NEXMIF: variants seen among roughly 807,000 people sequenced by gnomAD.
NEXMIF encodes the protein XLMR protein related to neurite extension.
A neutral mutation model predicts 62.1 loss-of-function variants in NEXMIF; 8 were observed. The ratio of observed to expected loss-of-function variants is 0.13; its 90% CI spans 0.08 to 0.23. The LOEUF (loss-of-function observed/expected upper bound fraction) is 0.23, where lower values mean the gene tolerates loss of function less well. Among genes scored for constraint, NEXMIF ranks in the 10% least tolerant of loss-of-function variants. NEXMIF has a pLI of 1.00. For missense variants in NEXMIF, 976 were observed against 1,113.3 expected (o/e 0.88, Z 1.75); for synonymous variants, 404 against 416.6 (o/e 0.97, Z 0.37).
intron 1 of NEXMIF, among the ~76,000 whole-genome samples, chrX:74,835,894 C>A (rs1435292929): frequency 8.9e-6 from 1 of 112,182 alleles, no homozygotes; most frequent in African/African-American, 3.2e-5. Context: ...GAGATGTTGT[C>A]TGGGTGCCAG....
At chrX:74,790,360 G>A (rs1317209743) in intron 1 of NEXMIF, among the ~76,000 whole-genome samples, 2 of 113,533 alleles carry the variant, frequency 1.8e-5, no homozygotes, top group South Asian at 7.0e-4. Flanking sequence ...ACAGTACCAT[G>A]ATGTTTTGGT....
intron 1 of NEXMIF, among the ~76,000 whole-genome samples, chrX:74,909,773 T>A (rs1243310074): frequency 8.9e-6 from 1 of 111,791 alleles, no homozygotes; most frequent in African/African-American, 3.3e-5. Flanking sequence ...CTCCATGCTG[T>A]GTGCAGCCTA....
In NEXMIF at chrX:74,887,358, C is replaced by G. The variant is rs2080699210; in HGVS notation, c.-48+37525G>C. Among the ~76,000 whole-genome samples the G allele has an allele frequency of 2.7e-5, 3 of 111,184 alleles. No individual in the cohort carries two copies. In the South Asian group the frequency reaches 1.2e-3, roughly 43 times the overall value. ...CAAAAGAAACCACCATCAGAGTGAA[C>G]AGGCAACCTACAGAATGGGAGAAAA... On this transcript the variant is annotated intron_variant, in intron 1 of 3. Transcript: ENST00000055682.
chrX:74,879,544 T>A (rs1602262852), intron 1 of NEXMIF, among the ~76,000 whole-genome samples: 1 of 112,227 alleles, frequency 8.9e-6, no homozygotes, highest in Non-Finnish European at 1.9e-5. Flanking sequence ...AGATCAAGGC[T>A]GTGGTATTTA....
chrX:74,889,952 G>GTCTCTCTCTC (rs72364877), intron 1 of NEXMIF, among the ~76,000 whole-genome samples: 1 of 91,143 alleles, frequency 1.1e-5, no homozygotes, highest in Admixed American at 1.1e-4. Context: ...AACCTAATCT[G>GTCTCTCTCTC]TCTCTCTCTC....
At chrX:74,918,654 C>T (rs1408865674) in intron 1 of NEXMIF, among the ~76,000 whole-genome samples, 1 of 112,350 alleles carries the variant, frequency 8.9e-6, no homozygotes, top group Non-Finnish European at 1.9e-5. Flanking sequence ...AATCTCCAAA[C>T]ACTAGATATG....
rs2080092348 is a variant in NEXMIF at position 74,738,800 on chromosome X, T to TTAAA, written c.*604_*605insTTTA. On this transcript the variant is annotated 3_prime_UTR_variant, in exon 4 of 4. Transcript: ENST00000055682. Reference sequence around the variant, plus strand: ...CTGTTCATGTTTCCACACAGGACAGTAGAGTCTAAAACTTTAAAAGAACGT... The same window carrying TTAAA: ...CTGTTCATGTTTCCACACAGGACAGTTAAAAGAGTCTAAAACTTTAAAAGAACGT... 1.8e-5 allele frequency: 2 copies of TTAAA among 108,576 alleles called. No homozygotes were observed. The highest frequency in any genetic ancestry group is 3.8e-5 in the Non-Finnish European group (2 of 52,134). The allele number at this position is 108,576 out of a possible 1,213,427, so 8.9% of individuals were successfully genotyped here.
chrX:74,883,610 GAAAC>G (rs1461823616), intron 1 of NEXMIF, among the ~76,000 whole-genome samples: 3 of 111,741 alleles, frequency 2.7e-5, no homozygotes, highest in Middle Eastern at 4.2e-3. Flanking sequence ...AGAATAAAAA[GAAAC>G]AAACAAAGCC....
chrX:74,763,301 C>G lies in NEXMIF; in HGVS notation c.-47-17604G>C, dbSNP rs747784136. Among the ~76,000 whole-genome samples the G allele has an allele frequency of 3.2e-3, 352 of 111,190 alleles. 2 individuals carry two copies. The highest frequency in any genetic ancestry group is 0.011 in the African/African-American group (335 of 30,593). On this transcript the variant is annotated intron_variant, in intron 1 of 3. Coordinates refer to ENST00000055682, the MANE Select transcript of NEXMIF (RefSeq NM_001008537.3). The stretch of plus-strand genomic sequence containing the variant: ...TAGATGTGTGGTATTATTTCTGAGG[C>G]CTCTGTTCTGTTCCATTGGTCTATA...
At chrX:74,819,900 C>T (rs763862076) in intron 1 of NEXMIF, among the ~76,000 whole-genome samples, 20 of 111,631 alleles carry the variant, frequency 1.8e-4, no homozygotes, top group East Asian at 1.1e-3. Flanking sequence ...ATGTTTATTG[C>T]GGCACTGTTC....
At chrX:74,750,982 C>A (rs1256272885) in intron 1 of NEXMIF, among the ~76,000 whole-genome samples, 2 of 111,534 alleles carry the variant, frequency 1.8e-5, no homozygotes, top group African/African-American at 6.5e-5. Flanking sequence ...AATCCTAGCA[C>A]TTTGGGAGGC....
intron 1 of NEXMIF, among the ~76,000 whole-genome samples, chrX:74,809,786 A>T (rs894438410): frequency 2.6e-4 from 29 of 111,808 alleles, no homozygotes; most frequent in African/African-American, 9.1e-4. Flanking sequence ...GTTTCAACAC[A>T]GTCCAGTATC....
intron 1 of NEXMIF, among the ~76,000 whole-genome samples, chrX:74,911,249 G>A (rs2080788427): frequency 9.0e-6 from 1 of 111,175 alleles, no homozygotes; most frequent in Non-Finnish European, 1.9e-5. Flanking sequence ...GTGAAACCCT[G>A]TCTCTACTAA....
chrX:74,798,149 G>A (rs2080318086), intron 1 of NEXMIF, among the ~76,000 whole-genome samples: 3 of 111,898 alleles, frequency 2.7e-5, no homozygotes, highest in Non-Finnish European at 5.6e-5. Flanking sequence ...GCATCAGGAA[G>A]AATAGCTAAT....
At chrX:74,845,860 A>G (rs2080490287) in intron 1 of NEXMIF, among the ~76,000 whole-genome samples, 1 of 111,170 alleles carries the variant, frequency 9.0e-6, no homozygotes, top group Admixed American at 9.6e-5. Context: ...AACATTTCCA[A>G]TTATCAGCTC....
chrX:74,845,640 T>A (rs780638568), intron 1 of NEXMIF, among the ~76,000 whole-genome samples: 4 of 111,680 alleles, frequency 3.6e-5, no homozygotes, highest in African/African-American at 1.3e-4. Flanking sequence ...ATAGTGCTAC[T>A]CTAATATACA....
intron 1 of NEXMIF, among the ~76,000 whole-genome samples, chrX:74,775,468 G>A (rs2080226212): frequency 8.9e-6 from 1 of 111,811 alleles, no homozygotes; most frequent in Non-Finnish European, 1.9e-5. Flanking sequence ...AGGGCATCTT[G>A]CCATTTGCAA....
At chrX:74,812,594 A>G (rs949731837) in intron 1 of NEXMIF, among the ~76,000 whole-genome samples, 1 of 111,773 alleles carries the variant, frequency 8.9e-6, no homozygotes, top group African/African-American at 3.3e-5. Flanking sequence ...ATAGGATAAC[A>G]TGATACCAAT....
intron 1 of NEXMIF, among the ~76,000 whole-genome samples, chrX:74,908,656 T>C (rs1435442862): frequency 8.9e-6 from 1 of 112,583 alleles, no homozygotes; most frequent in Non-Finnish European, 1.9e-5. Context: ...TAACAAAGCA[T>C]TACTGAATTA....
Sources: allele counts gnomAD v4.1 joint callset (sites outside exome capture counted in the v4.1 genomes callset), GRCh38; gene constraint gnomAD v4.1.1; transcripts MANE v1.5; gene names NCBI Gene and HGNC (gene_info 2026-07-23, HGNC 2026-07-21).